The following SEC16B variants were observed in gnomAD, a reference collection of about 807,000 sequenced individuals.
The protein encoded by SEC16B is SEC16 homolog B, endoplasmic reticulum export factor.
In SEC16B, 115 loss-of-function variants were observed where a neutral mutation model predicts 141.8. That is an observed-to-expected ratio of 0.81 (90% CI 0.70 to 0.95). SEC16B has a LOEUF of 0.95. SEC16B is among the 40% of genes least tolerant of loss of function. The probability of loss-of-function intolerance (pLI) is 0.00; values close to 1 mark genes in which losing one functional copy is unlikely to be tolerated. For missense variants in SEC16B, 1,291 were observed against 1,312.3 expected, an observed-to-expected ratio of 0.98 and a Z score of 0.25; for synonymous variants, 493 against 492.5, an observed-to-expected ratio of 1.00 and a Z score of -0.01.
At chr1:177,944,732 G>T in intron 14 of SEC16B, 66 bp from the exon 15 acceptor site, 2 of 1,322,052 alleles carry the variant, frequency 1.5e-6, no homozygotes, top group Non-Finnish European at 2.2e-6. Context: ...AATCCTAGTG[G>T]CTCTCCAAAC....
chr1:177,940,594 C>A lies in SEC16B; in HGVS notation c.2127+16G>T. The A allele has an allele frequency of 6.3e-7, 1 of 1,599,018 alleles. No individual in the cohort carries two copies. Among genetic ancestry groups the A allele is most frequent in the Non-Finnish European group, 8.6e-7 (1 of 1,166,998 alleles). On this transcript the variant is annotated intron_variant, in intron 17 of 25. Coordinates refer to ENST00000308284, the MANE Select transcript of SEC16B (RefSeq NM_033127.4). ...AAGGCCAGTCCCCCCAACGCCCTGG[C>A]TCCAATCCCACTCACCTCCAGCTGC...
chr1:177,946,298 G>T (rs1446731533), intron 14 of SEC16B, 122 bp downstream of exon 14: 1 of 785,520 alleles, frequency 1.3e-6, no homozygotes, highest in South Asian at 1.5e-5. Context: ...TCCCAAATAA[G>T]GGAGCCGGCG....
intron 4 of SEC16B, 115 bp downstream of exon 4, chr1:177,964,932 C>A: frequency 3.9e-6 from 5 of 1,283,220 alleles, no homozygotes; most frequent in Non-Finnish European, 5.4e-6. Flanking sequence ...GTGGCTACAA[C>A]AAAGGTACAT....
At chr1:177,932,447 C>T (rs992294938) in intron 24 of SEC16B, 43 bp downstream of exon 24, 6 of 1,403,858 alleles carry the variant, frequency 4.3e-6, no homozygotes, top group Non-Finnish European at 5.7e-6. Flanking sequence ...CACACACAGG[C>T]ATCTGCTGGG....
intron 5 of SEC16B, 72 bp downstream of exon 5, chr1:177,964,099 T>C: frequency 9.0e-7 from 1 of 1,113,224 alleles, no homozygotes. Context: ...AAGGGCCCTG[T>C]TCTGCCACTG....
At chr1:177,946,666 G>A (rs954351784) in intron 13 of SEC16B, 135 bp from the exon 14 acceptor site, 10 of 640,332 alleles carry the variant, frequency 1.6e-5, no homozygotes, top group African/African-American at 5.5e-5. Context: ...CTAAATGAAT[G>A]AGCCTTTCAT....
Position 177,930,618 on chromosome 1 carries a change from T to G in SEC16B, c.3038A>C (p.Asn1013Thr). The G allele has an allele frequency of 6.2e-7, 1 of 1,613,662 alleles. No homozygotes were observed. The highest frequency in any genetic ancestry group is 8.5e-7 in the Non-Finnish European group (1 of 1,179,788). Residue 1013 changes from asparagine (N) to threonine (T), a missense_variant, in exon 25 of 26, where the codon AAC (asparagine) becomes ACC (threonine). Physicochemically the swap from Asn to Thr is moderately conservative, Grantham distance 65. Around this residue, in one of 3 missense-constraint regions of SEC16B, gnomAD observed 605 missense variants for 614.1 expected, o/e 0.99. Coordinates refer to ENST00000308284, the MANE Select transcript of SEC16B (RefSeq NM_033127.4). ...PESVSFELCS[N>T]PGVLLPPPAL... Reference sequence around the variant, plus strand: ...AGGTGGAGGAAGAAGAACACCAGGGTTGGAGCAGAGCTCAAAGGAAACACT... The same window carrying G: ...AGGTGGAGGAAGAAGAACACCAGGGGTGGAGCAGAGCTCAAAGGAAACACT...
chr1:177,933,360 C>A (rs1349455487), intron 21 of SEC16B, 48 bp from the exon 22 acceptor site: 1 of 1,562,550 alleles, frequency 6.4e-7, no homozygotes, highest in East Asian at 2.4e-5. Context: ...GGCTTCTTCC[C>A]CAACTATGAG....
chr1:177,983,543 C>T (rs1654510371), intron 1 of SEC16B, among the ~76,000 whole-genome samples: 1 of 151,774 alleles, frequency 6.6e-6, no homozygotes, highest in African/African-American at 2.4e-5. Context: ...AAAAAATCAC[C>T]AACCCATAAA....
intron 8 of SEC16B, chr1:177,959,600 A>C (rs1248409953): frequency 6.3e-6 from 1 of 158,356 alleles, no homozygotes; most frequent in Admixed American, 6.0e-5. Context: ...ATGCCATTTG[A>C]GGAATACATT....
upstream of SEC16B, among the ~76,000 whole-genome samples, chr1:177,971,100 A>T (rs1239408206): frequency 6.9e-6 from 1 of 144,426 alleles, no homozygotes; most frequent in Non-Finnish European, 1.5e-5. Flanking sequence ...TTTTTTTCCA[A>T]GACAGAGTCT....
At chr1:177,959,110 G>A in intron 8 of SEC16B, 135 bp from the exon 9 acceptor site, 1 of 890,646 alleles carries the variant, frequency 1.1e-6, no homozygotes. Flanking sequence ...CAGGGCTAAG[G>A]TAATGAGTCT....
At chr1:177,939,850 A>G in intron 17 of SEC16B, 73 bp from the exon 18 acceptor site, 2 of 1,247,474 alleles carry the variant, frequency 1.6e-6, no homozygotes, top group South Asian at 2.7e-5. Flanking sequence ...AAAGTGATTC[A>G]AAACTTAAGC....
rs183307968 is a variant in SEC16B at position 177,932,452 on chromosome 1, G to T, written c.3012+38C>A. Reference sequence around the variant, plus strand: ...GTTCAGTCCTCACACACAGGCATCTGCTGGGGTCCGAGGCTCCAGCCCAGG... The same window carrying T: ...GTTCAGTCCTCACACACAGGCATCTTCTGGGGTCCGAGGCTCCAGCCCAGG... On this transcript the variant is annotated intron_variant, in intron 24 of 25. Transcript: ENST00000308284. The T allele has an allele frequency of 2.0e-3, 2,950 of 1,444,186 alleles. 8 individuals carry two copies. The highest frequency in any genetic ancestry group is 2.6e-3 in the Non-Finnish European group (2,777 of 1,079,026). The allele number at this position is 1,444,186 out of a possible 1,614,324, so 89.5% of individuals were successfully genotyped here. A position where few individuals can be genotyped will look rare whatever the true frequency, so the allele number is the denominator to read the frequency against.
chr1:177,961,335 C>T (rs547030094), intron 6 of SEC16B: 2 of 496,310 alleles, frequency 4.0e-6, no homozygotes, highest in African/African-American at 2.0e-5. Flanking sequence ...TTCTTAAAAG[C>T]ACCACTGAGT....
intron 1 of SEC16B, among the ~76,000 whole-genome samples, chr1:177,969,242 T>C (rs953389051): frequency 2.6e-5 from 4 of 152,174 alleles, no homozygotes; most frequent in African/African-American, 9.7e-5. Flanking sequence ...AATTGAGACG[T>C]CACTCTGCTC....
At chr1:177,934,354 C>T (rs1650680963) in intron 20 of SEC16B, among the ~76,000 whole-genome samples, 2 of 152,148 alleles carry the variant, frequency 1.3e-5, no homozygotes, top group South Asian at 4.1e-4. Context: ...TCTGAATTTG[C>T]CTATTCTATG....
intron 6 of SEC16B, 127 bp from the exon 7 acceptor site, chr1:177,961,066 G>T: frequency 9.5e-7 from 1 of 1,052,614 alleles, no homozygotes; most frequent in Non-Finnish European, 1.4e-6. Flanking sequence ...TTCTGGGTGG[G>T]TTGTGTAATT....
At chr1:177,944,196 C>G (rs944568336) in intron 15 of SEC16B, among the ~76,000 whole-genome samples, 3 of 152,166 alleles carry the variant, frequency 2.0e-5, no homozygotes, top group African/African-American at 7.2e-5. Flanking sequence ...TGCGCTCCCA[C>G]TCCCTCCCAC....
Sources: allele counts gnomAD v4.1 joint callset (sites outside exome capture counted in the v4.1 genomes callset), GRCh38; gene constraint gnomAD v4.1.1; regional missense constraint gnomAD v4.1.1; transcripts MANE v1.5; gene names NCBI Gene and HGNC (gene_info 2026-07-23, HGNC 2026-07-21).